Variants in USP49 observed in about 807,000 individuals in gnomAD.
USP49 encodes ubiquitin carboxyl-terminal hydrolase 49.
A neutral mutation model predicts 58.6 loss-of-function variants in USP49; 24 were observed. The observed-to-expected ratio is 0.41, with a 90% CI of 0.30 to 0.58. The LOEUF is 0.58. Among genes scored for constraint, USP49 ranks in the 20% least tolerant of loss-of-function variants. The pLI is 0.30. For missense variants in USP49, 703 were observed against 866.1 expected, an observed-to-expected ratio of 0.81 and a Z score of 2.36; for synonymous variants, 408 against 365.1, an observed-to-expected ratio of 1.12 and a Z score of -1.34.
intron 2 of USP49, among the ~76,000 whole-genome samples, chr6:41,890,932 T>TA (rs1219823753): frequency 7.9e-5 from 12 of 152,292 alleles, no homozygotes; most frequent in African/African-American, 2.9e-4. Flanking sequence ...TGCAATGCAA[T>TA]AAGGCATTTT....
intron 4 of USP49, among the ~76,000 whole-genome samples, chr6:41,805,094 G>A (rs1015257580): frequency 1.3e-5 from 2 of 152,106 alleles, no homozygotes; most frequent in Non-Finnish European, 2.9e-5. Context: ...GCATATTCTC[G>A]CAAGGCCCTG....
chr6:41,851,215 G>A (rs1212069537), intron 3 of USP49, among the ~76,000 whole-genome samples: 1 of 152,146 alleles, frequency 6.6e-6, no homozygotes, highest in African/African-American at 2.4e-5. Context: ...AATATTCTTT[G>A]TGAGTATTGA....
At chr6:41,852,811 A>T (rs1774053436) in intron 3 of USP49, among the ~76,000 whole-genome samples, 1 of 152,238 alleles carries the variant, frequency 6.6e-6, no homozygotes, top group East Asian at 1.9e-4. Flanking sequence ...CAAGAAGTGG[A>T]GGCAACCAAA....
At chr6:41,877,303 T>C (rs1335615780) in intron 2 of USP49, among the ~76,000 whole-genome samples, 2 of 152,198 alleles carry the variant, frequency 1.3e-5, no homozygotes, top group Non-Finnish European at 2.9e-5. Context: ...ATAATCTAGG[T>C]GGTAAAAATG....
At chr6:41,807,112 A>G (rs1773154476) in intron 3 of USP49, 101 bp from the exon 4 acceptor site, 1 of 1,193,992 alleles carries the variant, frequency 8.4e-7, no homozygotes, top group South Asian at 2.8e-5. Context: ...CTTGCAATTG[A>G]TATTTCAACT....
chr6:41,812,258 T>C (rs112033702), intron 3 of USP49, among the ~76,000 whole-genome samples: 79,396 of 151,234 alleles, frequency 0.52, 20,945 homozygotes, highest in Admixed American at 0.62. Context: ...TTTGTATTTT[T>C]AGTAGAGACG....
intron 3 of USP49, among the ~76,000 whole-genome samples, chr6:41,828,201 T>C (rs1469642707): frequency 2.0e-5 from 3 of 152,016 alleles, no homozygotes; most frequent in Non-Finnish European, 2.9e-5. Flanking sequence ...TCCCAGCACT[T>C]TGGGAGGCCG....
rs2127324611 is a variant in USP49 at position 41,806,630 on chromosome 6, C to T, written c.354G>A (p.Arg118=). The T allele has an allele frequency of 4.3e-6, 7 of 1,612,708 alleles. No homozygotes were observed. The highest frequency in any genetic ancestry group is 5.9e-6 in the Non-Finnish European group (7 of 1,179,836). ...CCACGTCCTCACCCGAAGCCATGGA[C>T]CGCAGCGTCCGCCCACGTCTCACCG... is the stretch of plus-strand genomic sequence containing the variant. ...DTPVRRGRTL[R]SMASGEDVVL... is the part of the protein sequence containing the mutation. Residue 118 remains arginine, a synonymous_variant, in exon 4 of 8, where the codon CGG becomes CGA. Coordinates refer to ENST00000682992, the MANE Select transcript of USP49 (RefSeq NM_001286554.2). The surrounding 1 kb of genome is among the most constrained non-coding windows in gnomAD (Gnocchi z 5.9).
intron 2 of USP49, among the ~76,000 whole-genome samples, chr6:41,873,216 G>A (rs927120573): frequency 6.6e-6 from 1 of 152,184 alleles, no homozygotes; most frequent in Non-Finnish European, 1.5e-5. Flanking sequence ...TTCAGAACAG[G>A]AATGTTTTAG....
At chr6:41,842,469 C>T (rs1773844291) in intron 3 of USP49, among the ~76,000 whole-genome samples, 1 of 152,064 alleles carries the variant, frequency 6.6e-6, no homozygotes, top group South Asian at 2.1e-4. Flanking sequence ...TATGATTTCA[C>T]GTGGAATGGA....
At chr6:41,843,844 G>A (rs1773872144) in intron 3 of USP49, among the ~76,000 whole-genome samples, 1 of 152,178 alleles carries the variant, frequency 6.6e-6, no homozygotes, top group Non-Finnish European at 1.5e-5. Context: ...AGGAGTTCAA[G>A]ACCAGCCTGG....
chr6:41,806,997 C>T lies in USP49; in HGVS notation c.-14G>A, dbSNP rs769788252. ...GCATCTATCCATGTCTTATAGAAGTCGCCACTTTCTCAACCTGGCACGACA... is the reference window on the plus strand; with the variant it reads ...GCATCTATCCATGTCTTATAGAAGTTGCCACTTTCTCAACCTGGCACGACA... On this transcript the variant is annotated 5_prime_UTR_variant, in exon 4 of 8. Coordinates refer to ENST00000682992, the MANE Select transcript of USP49 (RefSeq NM_001286554.2). The surrounding 1 kb of genome is among the most constrained non-coding windows in gnomAD (Gnocchi z 5.9). The T allele has an allele frequency of 8.9e-6, 13 of 1,453,778 alleles. No homozygotes were observed. Among genetic ancestry groups the T allele is most frequent in the Middle Eastern group, 3.7e-4 (2 of 5,356 alleles). The allele number at this position is 1,453,778 out of a possible 1,614,324, so 90.1% of individuals were successfully genotyped here.
chr6:41,880,562 A>C (rs1178226589), intron 2 of USP49, among the ~76,000 whole-genome samples: 1 of 152,232 alleles, frequency 6.6e-6, no homozygotes, highest in Non-Finnish European at 1.5e-5. Flanking sequence ...ACTTCTCGTC[A>C]GCAGCAACAG....
chr6:41,882,378 T>A (rs1774624010), intron 2 of USP49, among the ~76,000 whole-genome samples: 1 of 152,210 alleles, frequency 6.6e-6, no homozygotes, highest in Non-Finnish European at 1.5e-5. Context: ...AACTGGAAGG[T>A]TCAGCTAGTT....
intron 3 of USP49, among the ~76,000 whole-genome samples, chr6:41,841,931 C>A (rs1773835056): frequency 1.3e-5 from 2 of 152,156 alleles, no homozygotes; most frequent in Non-Finnish European, 2.9e-5. Context: ...GTGGCGCCCG[C>A]CTGTAATCCC....
chr6:41,802,038 T>TA (rs199745691), intron 5 of USP49, among the ~76,000 whole-genome samples: 2 of 151,894 alleles, frequency 1.3e-5, no homozygotes, highest in East Asian at 1.9e-4. Context: ...TTTTTTTTTT[T>TA]AAATATTACT....
At position 41,806,278 on chromosome 6, in the gene USP49, G is replaced by A; in HGVS notation, c.706C>T (p.Pro236Ser). The part of the protein sequence containing the change: ...PAALPTSRRV[P>S]AATLKLRRQP... The stretch of plus-strand genomic sequence containing the variant: ...CGACGCAGCTTGAGTGTGGCGGCGG[G>A]CACTCTGCGTGAGGTAGGGAGGGCG... Residue 236 changes from proline to serine, a missense_variant, in exon 4 of 8, where the codon CCC (proline) becomes TCC (serine). Transcript: ENST00000682992. This position sits in a 1 kb window ranked among gnomAD's most constrained non-coding sequence, Gnocchi z 5.9. 2 of 1,603,238 alleles carry A rather than the reference G, an allele frequency of 1.2e-6. No individual in the cohort carries two copies. The highest frequency in any genetic ancestry group is 1.7e-6 in the Non-Finnish European group (2 of 1,179,166).
intron 3 of USP49, among the ~76,000 whole-genome samples, chr6:41,847,034 G>A (rs1446226465): frequency 2.6e-5 from 4 of 152,190 alleles, no homozygotes; most frequent in African/African-American, 9.6e-5. Context: ...CAGGATAATT[G>A]GTAAAGGTCT....
intron 1 of USP49, chr6:41,894,311 T>C: frequency 6.6e-6 from 1 of 152,304 alleles, no homozygotes; most frequent in East Asian, 1.9e-4. Flanking sequence ...CTAACTCTAG[T>C]CTCCTTTCAG....
Sources: gnomAD v4.1 joint callset for allele counts (sites outside exome capture counted in the v4.1 genomes callset) on GRCh38, gnomAD v4.1.1 for gene constraint, Gnocchi (gnomAD v3.1) non-coding constraint, MANE v1.5 for transcripts, NCBI Gene and HGNC (gene_info 2026-07-23, HGNC 2026-07-21) for gene names.